ZNF257: variants seen among roughly 807,000 people sequenced by gnomAD.
The protein encoded by ZNF257 is bone marrow zinc finger 4.
Under a neutral mutation model 11.9 loss-of-function variants are expected in ZNF257, and 12 were observed. The observed-to-expected ratio is 1.01, with a 90% CI of 0.65 to 1.63. The LOEUF (loss-of-function observed/expected upper bound fraction) is 1.63. Among genes scored for constraint, ZNF257 ranks in the 40% most tolerant of loss-of-function variants. The pLI is 0.00. For missense variants in ZNF257, 580 were observed against 665.5 expected (o/e 0.87, Z 1.41); for synonymous variants, 183 against 222.7 (o/e 0.82, Z 1.59).
At chr19:22,064,675 G>T (rs1184891317) in intron 1 of ZNF257, among the ~76,000 whole-genome samples, 1 of 152,164 alleles carries the variant, frequency 6.6e-6, no homozygotes, top group African/African-American at 2.4e-5. Flanking sequence ...GAAGTCTTTA[G>T]TTGTACTTTG....
chr19:22,054,720 T>A (rs117779622), intron 1 of ZNF257, among the ~76,000 whole-genome samples: 4 of 152,170 alleles, frequency 2.6e-5, no homozygotes, highest in Non-Finnish European at 4.4e-5. Flanking sequence ...TTTGCTTTTA[T>A]CTTGTATAGG....
At chr19:22,085,908 C>T (rs1208553915) in intron 3 of ZNF257, among the ~76,000 whole-genome samples, 2 of 152,090 alleles carry the variant, frequency 1.3e-5, no homozygotes, top group Non-Finnish European at 2.9e-5. Context: ...AAAATGCCTA[C>T]AGCAATCTTG....
rs116618266 is a variant in ZNF257 at position 22,057,252 on chromosome 19, C to A, written c.3+4617C>A. Among the ~76,000 whole-genome samples the A allele has an allele frequency of 5.5e-3, 831 of 152,070 alleles. 2 individuals carry two copies. The highest frequency in any genetic ancestry group is 0.018 in the African/African-American group (763 of 41,464). On this transcript the variant is annotated intron_variant, in intron 1 of 3. Coordinates refer to ENST00000594947, the MANE Select transcript of ZNF257 (RefSeq NM_033468.4). ...ATGAGTACTATGTTTGATAATTTTG[C>A]TAGATTTTTTAAACACTTAGTTTCA...
chr19:22,062,862 A>G (rs184940032), intron 1 of ZNF257, among the ~76,000 whole-genome samples: 75 of 152,320 alleles, frequency 4.9e-4, no homozygotes, highest in African/African-American at 1.6e-3. Context: ...CTGTTCTAAT[A>G]TAATGAGTTG....
chr19:22,077,062 C>A (rs369216939), intron 3 of ZNF257, among the ~76,000 whole-genome samples: 2 of 152,056 alleles, frequency 1.3e-5, no homozygotes, highest in Non-Finnish European at 2.9e-5. Context: ...ATCTATAATA[C>A]CAGGATTTTG....
At chr19:22,082,021 A>T (rs749457341) in intron 3 of ZNF257, among the ~76,000 whole-genome samples, 15 of 152,048 alleles carry the variant, frequency 9.9e-5, no homozygotes, top group Admixed American at 2.6e-4. Flanking sequence ...TTATCTTCAT[A>T]ATCATCTTGA....
At chr19:22,074,119 T>A (rs1197760404) in intron 3 of ZNF257, among the ~76,000 whole-genome samples, 3 of 152,106 alleles carry the variant, frequency 2.0e-5, no homozygotes, top group Non-Finnish European at 2.9e-5. Context: ...TGTAGTTTCA[T>A]GTAATCTTTA....
At chr19:22,059,605 A>G (rs969417109) in intron 1 of ZNF257, among the ~76,000 whole-genome samples, 2 of 142,788 alleles carry the variant, frequency 1.4e-5, no homozygotes, top group Admixed American at 7.1e-5. Flanking sequence ...CTCTAGCTCC[A>G]TCCACGTTGC....
Position 22,089,658 on chromosome 19 carries a change from T to C in ZNF257, c.*216T>C, listed in dbSNP as rs1342367649. 12 of 1,184,070 alleles carry C rather than the reference T, an allele frequency of 1.0e-5. No homozygotes were observed. The highest frequency in any genetic ancestry group is 1.2e-5 in the Non-Finnish European group (11 of 885,572). The allele number at this position is 1,184,070 out of a possible 1,614,324, so 73.3% of individuals were successfully genotyped here. On this transcript the variant is annotated 3_prime_UTR_variant, in exon 4 of 4. Coordinates refer to ENST00000594947, the MANE Select transcript of ZNF257 (RefSeq NM_033468.4). ...TGAATGTGGCATAGCCTCTTCCCAG[T>C]TCTCAACTCTTACTAAACATGAGAA...
intron 1 of ZNF257, among the ~76,000 whole-genome samples, chr19:22,067,891 G>C (rs2021997535): frequency 1.4e-5 from 2 of 145,504 alleles, no homozygotes; most frequent in African/African-American, 5.1e-5. Flanking sequence ...CCCCCCGCTT[G>C]AGCTATGTAT....
At chr19:22,081,383 A>G (rs2022357457) in intron 3 of ZNF257, among the ~76,000 whole-genome samples, 3 of 151,832 alleles carry the variant, frequency 2.0e-5, no homozygotes, top group Admixed American at 2.0e-4. Context: ...CCCAATTATA[A>G]TTACTATTTG....
In ZNF257 at chr19:22,089,460, A is replaced by C. The variant is rs142038665; in HGVS notation, c.*18A>C. ...ATTCATAATGGAGAAAAACCCTACA[A>C]ATGTGAAGAATGTGTCAAAGCTTTT... On this transcript the variant is annotated 3_prime_UTR_variant, in exon 4 of 4. Transcript: ENST00000594947. The C allele has an allele frequency of 4.9e-4, 779 of 1,591,778 alleles. 5 individuals are homozygous for C. In the African/African-American group the frequency reaches 9.6e-3, roughly 20 times the overall value.
chr19:22,089,048 G>A lies in ZNF257; in HGVS notation c.1298G>A (p.Cys433Tyr), dbSNP rs769803631. The change falls in exon 4 of 4, where the codon TGT (cysteine) becomes TAT (tyrosine). Residue 433 changes from cysteine to tyrosine, a missense_variant. By Grantham distance (194) the Cys-to-Tyr change is radical (BLOSUM62 -2). Transcript: ENST00000594947. ...CATACTGGAGAGAAACCCTACAAATGTGAAGAGTGTGGCAAAGCCTTTAAC... is the reference window on the plus strand; with the variant it reads ...CATACTGGAGAGAAACCCTACAAATATGAAGAGTGTGGCAAAGCCTTTAAC... ...IIHTGEKPYK[C>Y]EECGKAFNRS... 17 of 1,613,354 alleles carry A rather than the reference G, an allele frequency of 1.1e-5. No homozygotes were observed. The African/African-American group carries it at 1.1e-4, about 10-fold the overall frequency.
At chr19:22,086,770 C>G (rs2022486111) in intron 3 of ZNF257, among the ~76,000 whole-genome samples, 1 of 151,684 alleles carries the variant, frequency 6.6e-6, no homozygotes, top group Non-Finnish European at 1.5e-5. Flanking sequence ...GCAAAATTTT[C>G]TTTTGAAAAA....
rs1306536063 is a variant in ZNF257 at position 22,087,987 on chromosome 19, T to C, written c.237T>C (p.Ser79=). ...TTTTATTTCTTTTAGTTATGTGTTC[T>C]CATATTGCTGAAGACCTTTGCCCAG... is the stretch of plus-strand genomic sequence containing the variant. ...EMVAKPPVMC[S]HIAEDLCPER... Residue 79 remains serine, a synonymous_variant, in exon 4 of 4, where the codon TCT becomes TCC. Transcript: ENST00000594947. 2 of 1,500,246 alleles carry C rather than the reference T, an allele frequency of 1.3e-6. No homozygotes were observed. Among genetic ancestry groups the C allele is most frequent in the East Asian group, 2.3e-5 (1 of 43,994 alleles). 92.9% of individuals were successfully genotyped at this position (1,500,246 alleles called of 1,614,324 possible).
intron 1 of ZNF257, among the ~76,000 whole-genome samples, chr19:22,070,969 A>T (rs1200067192): frequency 6.6e-6 from 1 of 152,110 alleles, no homozygotes; most frequent in Admixed American, 6.5e-5. Flanking sequence ...TCCTTACTTC[A>T]GCTTTTCCTA....
chr19:22,065,162 TAA>T (rs895619131), intron 1 of ZNF257, among the ~76,000 whole-genome samples: 4 of 152,186 alleles, frequency 2.6e-5, no homozygotes, highest in African/African-American at 9.6e-5. Flanking sequence ...TTTTGAAATA[TAA>T]AGTGTTTTAA....
chr19:22,065,619 T>C (rs1167500767), intron 1 of ZNF257, among the ~76,000 whole-genome samples: 6 of 117,464 alleles, frequency 5.1e-5, no homozygotes, highest in Non-Finnish European at 1.0e-4. Context: ...CAGTAGATAT[T>C]AGTCTGAAAT....
At position 22,089,659 on chromosome 19, in the gene ZNF257, T is replaced by A. The variant is rs2022583478; in HGVS notation, c.*217T>A. On this transcript the variant is annotated 3_prime_UTR_variant, in exon 4 of 4. Coordinates refer to ENST00000594947, the MANE Select transcript of ZNF257 (RefSeq NM_033468.4). ...GAATGTGGCATAGCCTCTTCCCAGT[T>A]CTCAACTCTTACTAAACATGAGAAC... 1 of 1,184,774 alleles carries A rather than the reference T, an allele frequency of 8.4e-7. No individual in the cohort carries two copies. The highest frequency in any genetic ancestry group is 2.9e-5 in the East Asian group (1 of 34,434). The allele number at this position is 1,184,774 out of a possible 1,614,324, so 73.4% of individuals were successfully genotyped here.
Sources: allele counts gnomAD v4.1 joint callset (sites outside exome capture counted in the v4.1 genomes callset), GRCh38; gene constraint gnomAD v4.1.1; transcripts MANE v1.5; gene names NCBI Gene and HGNC (gene_info 2026-07-23, HGNC 2026-07-21).